The following LBHD1 variants were observed in gnomAD, a reference collection of about 807,000 sequenced individuals.
LBHD1 encodes the protein LBH domain containing 1.
Under a neutral mutation model 31.1 loss-of-function variants are expected in LBHD1, and 28 were observed. That is an observed-to-expected ratio of 0.90 (90% CI 0.67 to 1.24). The LOEUF is 1.24. LBHD1 is among the 50% of genes most tolerant of loss of function. The pLI, the probability that LBHD1 is intolerant of heterozygous loss-of-function variation, is 0.00. For missense variants in LBHD1, 350 were observed against 323.0 expected (o/e 1.08, Z -0.64); for synonymous variants, 105 against 116.5 (o/e 0.90, Z 0.63).
chr11:62,670,959 C>T (rs1258745197), intron 1 of LBHD1: 1 of 193,620 alleles, frequency 5.2e-6, no homozygotes, highest in Non-Finnish European at 1.1e-5. Flanking sequence ...ACCAGCCGGG[C>T]GTGGTGGTGC....
intron 3 of LBHD1, among the ~76,000 whole-genome samples, chr11:62,669,117 T>C (rs1336157562): frequency 6.6e-6 from 1 of 152,008 alleles, no homozygotes; most frequent in African/African-American, 2.4e-5. Flanking sequence ...AGACGGGGTT[T>C]CACCATGTTA....
intron 4 of LBHD1, 182 bp from the exon 5 acceptor site, chr11:62,665,155 C>T (rs1185885538): frequency 1.1e-6 from 1 of 915,800 alleles, no homozygotes; most frequent in Non-Finnish European, 1.7e-6. Flanking sequence ...TGATCTTTCC[C>T]CCCGGAGCTC....
At position 62,662,858 on chromosome 11, in the gene LBHD1, G is replaced by A. The variant is rs1433779586; in HGVS notation, c.*271C>T. The A allele has an allele frequency of 6.8e-6, 4 of 591,916 alleles. No homozygotes were observed. Among genetic ancestry groups the A allele is most frequent in the Non-Finnish European group, 3.0e-6 (1 of 334,974 alleles). 36.7% of individuals were successfully genotyped at this position (591,916 alleles called of 1,614,324 possible). On this transcript the variant is annotated 3_prime_UTR_variant, in exon 7 of 7. Transcript: ENST00000354588. Reference sequence around the variant, plus strand: ...TTATTACAAATGGAGTTGACTGCTAGAGAGGCCCTTCTCCAATCTTTCTTC... The same window carrying A: ...TTATTACAAATGGAGTTGACTGCTAAAGAGGCCCTTCTCCAATCTTTCTTC...
intron 4 of LBHD1, chr11:62,665,604 G>A (rs1171195565): frequency 1.3e-6 from 2 of 1,566,130 alleles, no homozygotes; most frequent in South Asian, 1.1e-5. Context: ...AGATCCAGCT[G>A]GCTCCTCCAT....
At position 62,664,890 on chromosome 11, in the gene LBHD1, T is replaced by C; in HGVS notation, c.622A>G (p.Arg208Gly). ...SEAPGGRGCD[R>G]PRADHAAPPQ... ...GGTGCCGCGTGATCAGCCCTTGGTC[T>C]ATCACAGCCCCGACCACCCGGTGCC... is the stretch of plus-strand genomic sequence containing the variant. The change falls in exon 5 of 7, where the codon AGA becomes GGA. Residue 208 changes from arginine to glycine, a missense_variant. Coordinates refer to ENST00000354588, the MANE Select transcript of LBHD1 (RefSeq NM_024099.5). The C allele has an allele frequency of 1.9e-6, 3 of 1,589,712 alleles. No individual in the cohort carries two copies. In the South Asian group the frequency reaches 3.4e-5, roughly 18 times the overall value.
chr11:62,666,822 C>A lies in LBHD1; in HGVS notation c.538+701G>T, dbSNP rs1332903334. ...TTCCAACTACTGCTGGACAAAGGCA[C>A]ATGGGATGCTGTTGCCCGGGGAGGT... On this transcript the variant is annotated intron_variant, in intron 4 of 6. Transcript: ENST00000354588. The A allele has an allele frequency of 1.9e-6, 3 of 1,614,068 alleles. No individual in the cohort carries two copies. The highest frequency in any genetic ancestry group is 2.2e-5 in the East Asian group (1 of 44,898).
intron 2 of LBHD1, 27 bp downstream of exon 2, chr11:62,669,855 C>A: frequency 6.2e-7 from 1 of 1,614,202 alleles, no homozygotes; most frequent in South Asian, 1.1e-5. Flanking sequence ...AAGCCAGCTG[C>A]CAGACACAGG....
In LBHD1 at chr11:62,671,897, G is replaced by A; in HGVS notation, c.-344C>T. 1 of 1,613,514 alleles carries A rather than the reference G, an allele frequency of 6.2e-7. No individual in the cohort carries two copies. The highest frequency in any genetic ancestry group is 8.5e-7 in the Non-Finnish European group (1 of 1,179,598). ...GCAACTGGTAGTCCCGAGGAAGGGT[G>A]GGCGGGTGGAGAGCCCCGGACTGGA... On this transcript the variant is annotated 5_prime_UTR_variant, in exon 1 of 7. Transcript: ENST00000354588.
At chr11:62,667,228 G>T in intron 4 of LBHD1, 1 of 677,324 alleles carries the variant, frequency 1.5e-6, no homozygotes, top group Non-Finnish European at 2.5e-6. Flanking sequence ...TGCAGAGTGA[G>T]AATAACTTGG....
chr11:62,666,118 C>A, intron 4 of LBHD1: 1 of 826,730 alleles, frequency 1.2e-6, no homozygotes, highest in Non-Finnish European at 1.9e-6. Flanking sequence ...CAGGCCGAGG[C>A]GGGCAGATCG....
At chr11:62,664,239 G>A in intron 5 of LBHD1, among the ~76,000 whole-genome samples, 1 of 150,992 alleles carries the variant, frequency 6.6e-6, no homozygotes, top group Non-Finnish European at 1.5e-5. Context: ...GCACTTTTCT[G>A]TATGTAAAAA....
chr11:62,665,069 G>A (rs1158643377), intron 4 of LBHD1, 96 bp from the exon 5 acceptor site: 10 of 1,551,194 alleles, frequency 6.4e-6, no homozygotes, highest in South Asian at 1.1e-5. Flanking sequence ...ATCCCATCTC[G>A]TGCGAGATAA....
In LBHD1 at chr11:62,671,634, G is replaced by A. The variant is rs1478676713; in HGVS notation, c.-81C>T. 1 of 1,506,620 alleles carries A rather than the reference G, an allele frequency of 6.6e-7. No homozygotes were observed. Among genetic ancestry groups the A allele is most frequent in the Non-Finnish European group, 8.8e-7 (1 of 1,132,722 alleles). 93.3% of individuals were successfully genotyped at this position (1,506,620 alleles called of 1,614,324 possible). A position where few individuals can be genotyped will look rare whatever the true frequency, so the allele number is the denominator to read the frequency against. On this transcript the variant is annotated 5_prime_UTR_variant, in exon 1 of 7. Transcript: ENST00000354588. ...CCTCTCTAGCCGGCCGCTTATCTAT[G>A]GTTTCTGCTATAGGGCGCTCTAGCC...
At position 62,663,149 on chromosome 11, in the gene LBHD1, AG is replaced by A. The variant is rs1472961559; in HGVS notation, c.771del (p.Phe258SerfsTer33). On this transcript the variant is annotated frameshift_variant, in exon 7 of 7. Coordinates refer to ENST00000354588, the MANE Select transcript of LBHD1 (RefSeq NM_024099.5). LOFTEE classifies it high-confidence loss of function. ...EREDSHGSGS[P>X]FKASQD ...GTTCACTAGTCCTGGCTGGCTTTGAAGGGGCTTCCACTGAGTAAAGGGAAGA... is the reference window on the plus strand; with the variant it reads ...GTTCACTAGTCCTGGCTGGCTTTGAAGGGCTTCCACTGAGTAAAGGGAAGA... 1 of 1,614,104 alleles carries A rather than the reference AG, an allele frequency of 6.2e-7. No homozygotes were observed.
At chr11:62,665,558 C>A (rs756247498) in intron 4 of LBHD1, 8 of 1,568,160 alleles carry the variant, frequency 5.1e-6, no homozygotes, top group South Asian at 1.1e-5. Flanking sequence ...TATCCTCAAA[C>A]GCCGGGACAC....
chr11:62,664,084 A>G (rs1944726443), intron 5 of LBHD1, among the ~76,000 whole-genome samples: 1 of 78,444 alleles, frequency 1.3e-5, no homozygotes, highest in Non-Finnish European at 3.2e-5. Flanking sequence ...AAAAAGAGGA[A>G]AAAAAAAAAA....
intron 5 of LBHD1, among the ~76,000 whole-genome samples, chr11:62,664,301 G>A (rs1944732129): frequency 6.6e-6 from 1 of 151,064 alleles, no homozygotes; most frequent in Admixed American, 6.6e-5. Context: ...TTGGAGAATG[G>A]AGAGCCAACA....
chr11:62,663,090 G>A lies in LBHD1; in HGVS notation c.*39C>T. 6.2e-7 allele frequency: 1 copy of A among 1,612,754 alleles called. No individual in the cohort carries two copies. Among genetic ancestry groups the A allele is most frequent in the South Asian group, 1.1e-5 (1 of 91,044 alleles). On this transcript the variant is annotated 3_prime_UTR_variant, in exon 7 of 7. Transcript: ENST00000354588. ...AAGGTCCTTCATTTCTACATCCTGG[G>A]GGGCTTTTGTCTTCTTTTGCCTTTT...
Position 62,667,168 on chromosome 11 carries a change from CTAGCTGGGTGCCATA to C in LBHD1, c.538+340_538+354del, listed in dbSNP as rs1944842924. 4 of 1,052,598 alleles carry C rather than the reference CTAGCTGGGTGCCATA, an allele frequency of 3.8e-6. No homozygotes were observed. The East Asian group carries it at 9.6e-5, about 25-fold the overall frequency. The allele number at this position is 1,052,598 out of a possible 1,614,324, so 65.2% of individuals were successfully genotyped here. Reference sequence around the variant, plus strand: ...ATTTGAGTCCTGGCTTCCACATTTACTAGCTGGGTGCCATATTGCTGAATGTTTCTGTTCCCCAGT... The same window carrying C: ...ATTTGAGTCCTGGCTTCCACATTTACTTGCTGAATGTTTCTGTTCCCCAGT... On this transcript the variant is annotated intron_variant, in intron 4 of 6. Coordinates refer to ENST00000354588, the MANE Select transcript of LBHD1 (RefSeq NM_024099.5).
Sources: allele counts gnomAD v4.1 joint callset (sites outside exome capture counted in the v4.1 genomes callset), GRCh38; gene constraint gnomAD v4.1.1; transcripts MANE v1.5; gene names NCBI Gene and HGNC (gene_info 2026-07-23, HGNC 2026-07-21).